STPG2: variants seen among roughly 807,000 people sequenced by gnomAD.
STPG2 encodes sperm tail PG-rich repeat containing 2, also known as sperm-tail PG-rich repeat-containing protein 2.
Under a neutral mutation model 54.2 loss-of-function variants are expected in STPG2, and 56 were observed. That is an observed-to-expected ratio of 1.03 (90% CI 0.83 to 1.29). The LOEUF (loss-of-function observed/expected upper bound fraction) is 1.29, where lower values mean the gene tolerates loss of function less well. Ranked by LOEUF, STPG2 falls within the 50% of genes most tolerant of loss-of-function variation. STPG2 has a pLI of 0.00. For synonymous variants in STPG2, 200 were observed against 181.8 expected, an observed-to-expected ratio of 1.10 and a Z score of -0.81; for missense variants, 596 against 544.9, an observed-to-expected ratio of 1.09 and a Z score of -0.93.
At chr4:98,037,632 G>A (rs1736817799) in intron 5 of STPG2, among the ~76,000 whole-genome samples, 1 of 151,792 alleles carries the variant, frequency 6.6e-6, no homozygotes, top group Non-Finnish European at 1.5e-5. Context: ...GTAAGGGAGT[G>A]AGAAAGCAAA....
At chr4:97,895,420 G>A (rs1006606029) in intron 8 of STPG2, among the ~76,000 whole-genome samples, 8 of 151,886 alleles carry the variant, frequency 5.3e-5, no homozygotes, top group African/African-American at 7.2e-5. Flanking sequence ...GATGTATGTC[G>A]ATTCTGTATA....
chr4:97,473,352 G>GC (rs1729989850), intron 4 of STPG2, among the ~76,000 whole-genome samples: 1 of 152,058 alleles, frequency 6.6e-6, no homozygotes, highest in Non-Finnish European at 1.5e-5. Context: ...AAGAGAATGC[G>GC]CCCCTGAGGG....
chr4:97,839,061 A>T (rs1728717536), intron 9 of STPG2, among the ~76,000 whole-genome samples: 2 of 151,614 alleles, frequency 1.3e-5, no homozygotes, highest in South Asian at 2.1e-4. Flanking sequence ...ACTTCCAAAT[A>T]ATAACTGTCT....
chr4:97,452,110 C>T (rs551485122), intron 4 of STPG2, among the ~76,000 whole-genome samples: 14 of 19,372 alleles, frequency 7.2e-4, no homozygotes, highest in African/African-American at 2.6e-3. Context: ...CAGGCAGGAG[C>T]CCCGCCCCCA....
At position 97,738,044 on chromosome 4, in the gene STPG2, G is replaced by C. The variant is rs375226255; in HGVS notation, c.1205-25230C>G. 2.0e-5 allele frequency among the ~76,000 whole-genome samples: 3 copies of C among 152,296 alleles called. No homozygotes were observed. In the South Asian group the frequency reaches 6.2e-4, roughly 32 times the overall value. On this transcript the variant is annotated intron_variant, in intron 9 of 10. Transcript: ENST00000295268. The stretch of plus-strand genomic sequence containing the variant: ...GAAACTCTACAAGCCAGAAGAGAGC[G>C]AAGGCCAATATTCAACATTCTTAAA...
At chr4:97,806,244 T>A (rs1371182776) in intron 9 of STPG2, among the ~76,000 whole-genome samples, 4 of 152,144 alleles carry the variant, frequency 2.6e-5, no homozygotes, top group African/African-American at 9.7e-5. Context: ...GAGGCTGTTA[T>A]CCAAAGTTAA....
intron 10 of STPG2, among the ~76,000 whole-genome samples, chr4:97,575,730 C>A (rs1732706305): frequency 6.6e-6 from 1 of 152,140 alleles, no homozygotes; most frequent in African/African-American, 2.4e-5. Flanking sequence ...ACTCTCACCA[C>A]TCTTATTTGC....
chr4:98,117,234 T>G (rs1428584589), intron 3 of STPG2, among the ~76,000 whole-genome samples: 1 of 152,046 alleles, frequency 6.6e-6, no homozygotes, highest in Non-Finnish European at 1.5e-5. Context: ...GGCAGTCTGT[T>G]TTTTCAACAC....
chr4:97,740,761 C>G (rs1725197545), intron 9 of STPG2, among the ~76,000 whole-genome samples: 1 of 152,142 alleles, frequency 6.6e-6, no homozygotes, highest in Non-Finnish European at 1.5e-5. Context: ...TAGGAAGAAT[C>G]AATATCGTGA....
chr4:97,675,367 A>G (rs2148972918), intron 10 of STPG2, among the ~76,000 whole-genome samples: 1 of 152,264 alleles, frequency 6.6e-6, no homozygotes, highest in South Asian at 2.1e-4. Flanking sequence ...AATTAATTAT[A>G]TTTGCAAGCC....
chr4:97,756,232 G>A (rs1020963300), intron 9 of STPG2, among the ~76,000 whole-genome samples: 2 of 152,130 alleles, frequency 1.3e-5, no homozygotes, highest in Non-Finnish European at 2.9e-5. Context: ...GAAACCATTA[G>A]ATAAACAAAA....
chr4:97,687,185 C>T (rs535820415), intron 10 of STPG2, among the ~76,000 whole-genome samples: 3 of 152,040 alleles, frequency 2.0e-5, no homozygotes, highest in African/African-American at 4.8e-5. Context: ...CTCCCGACCT[C>T]GTGATCCACC....
intron 10 of STPG2, among the ~76,000 whole-genome samples, chr4:97,633,033 C>G (rs1025405521): frequency 6.6e-6 from 1 of 151,840 alleles, no homozygotes; most frequent in Non-Finnish European, 1.5e-5. Context: ...GATATTTCTC[C>G]CAAATATATA....
At chr4:97,612,217 T>C (rs1354460026) in intron 10 of STPG2, among the ~76,000 whole-genome samples, 4 of 148,922 alleles carry the variant, frequency 2.7e-5, no homozygotes, top group African/African-American at 9.9e-5. Flanking sequence ...TTAAACAAGA[T>C]ACATTTTCTT....
At chr4:97,535,343 C>T (rs1731504372) in intron 4 of STPG2, among the ~76,000 whole-genome samples, 1 of 152,174 alleles carries the variant, frequency 6.6e-6, no homozygotes, top group Non-Finnish European at 1.5e-5. Context: ...ATATGTAGTG[C>T]TGTCTTTCTT....
intron 9 of STPG2, among the ~76,000 whole-genome samples, chr4:97,758,611 A>G (rs1725799099): frequency 6.6e-6 from 1 of 152,044 alleles, no homozygotes; most frequent in Admixed American, 6.6e-5. Context: ...ATCACACATC[A>G]GGGCCTGTCA....
At chr4:97,562,411 T>C (rs1732279570) in intron 10 of STPG2, among the ~76,000 whole-genome samples, 1 of 152,190 alleles carries the variant, frequency 6.6e-6, no homozygotes, top group Admixed American at 6.5e-5. Context: ...ACTTCCTCTT[T>C]TCCTAATTGA....
intron 10 of STPG2, among the ~76,000 whole-genome samples, chr4:97,598,988 G>A (rs1266278987): frequency 6.6e-6 from 1 of 152,096 alleles, no homozygotes; most frequent in Non-Finnish European, 1.5e-5. Flanking sequence ...CCTGCAGAAT[G>A]GGAGAAAATA....
intron 9 of STPG2, among the ~76,000 whole-genome samples, chr4:97,730,929 T>C (rs918275563): frequency 2.6e-5 from 4 of 152,214 alleles, no homozygotes; most frequent in Admixed American, 2.6e-4. Flanking sequence ...TTAGCTTCCT[T>C]GGATTGAATT....
Sources: allele counts gnomAD v4.1 joint callset (sites outside exome capture counted in the v4.1 genomes callset), GRCh38; gene constraint gnomAD v4.1.1; transcripts MANE v1.5; gene names NCBI Gene and HGNC (gene_info 2026-07-23, HGNC 2026-07-21).